PPP1R16B: variants seen among roughly 807,000 people sequenced by gnomAD.
PPP1R16B encodes the protein protein phosphatase 1 regulatory inhibitor subunit 16B.
A neutral mutation model predicts 61.7 loss-of-function variants in PPP1R16B; 14 were observed. The observed-to-expected ratio is 0.23, with a 90% CI of 0.15 to 0.35. The LOEUF is 0.35. Ranked by LOEUF, PPP1R16B falls within the 10% of genes least tolerant of loss-of-function variation. PPP1R16B has a pLI of 1.00. For missense variants in PPP1R16B, 547 were observed against 752.5 expected, an observed-to-expected ratio of 0.73 and a Z score of 3.19; for synonymous variants, 266 against 305.3, an observed-to-expected ratio of 0.87 and a Z score of 1.34.
intron 2 of PPP1R16B, among the ~76,000 whole-genome samples, chr20:38,887,200 G>T (rs1295427196): frequency 6.6e-6 from 1 of 152,236 alleles, no homozygotes; most frequent in South Asian, 2.1e-4. Flanking sequence ...GAGGCCACAA[G>T]AAGTGATGTG....
intron 2 of PPP1R16B, among the ~76,000 whole-genome samples, chr20:38,876,900 T>C (rs2085171696): frequency 1.3e-5 from 2 of 152,174 alleles, no homozygotes; most frequent in Admixed American, 6.5e-5. Flanking sequence ...AAAATAAAAA[T>C]CCCTGATAAA....
rs568425461 is a variant in PPP1R16B at position 38,920,289 on chromosome 20, G to A, written c.*1623G>A. 6.5e-5 allele frequency: 10 copies of A among 152,818 alleles called. 1 individual carries two copies. The highest frequency in any genetic ancestry group is 2.4e-4 in the African/African-American group (10 of 41,580). The allele number at this position is 152,818 out of a possible 1,614,324, so 9.5% of individuals were successfully genotyped here. A position where few individuals can be genotyped will look rare whatever the true frequency, so the allele number is the denominator to read the frequency against. On this transcript the variant is annotated 3_prime_UTR_variant, in exon 11 of 11. Coordinates refer to ENST00000299824, the MANE Select transcript of PPP1R16B (RefSeq NM_015568.4). The stretch of plus-strand genomic sequence containing the variant: ...TAAGCTGCAGGTTATCCCTTGCTCT[G>A]TGCGCCTTTTATTTGTCCTTAAACT...
chr20:38,825,912 A>T (rs1301586602), intron 1 of PPP1R16B, among the ~76,000 whole-genome samples: 1 of 152,216 alleles, frequency 6.6e-6, no homozygotes, highest in Non-Finnish European at 1.5e-5. Context: ...GGCTTTGCTA[A>T]TTGATCACAA....
chr20:38,848,836 G>T (rs1159737275), intron 2 of PPP1R16B, among the ~76,000 whole-genome samples: 1 of 152,160 alleles, frequency 6.6e-6, no homozygotes, highest in Non-Finnish European at 1.5e-5. Context: ...GGAGGGAGGA[G>T]ATCAGGAAAA....
At chr20:38,888,803 T>A (rs1209521852) in intron 2 of PPP1R16B, among the ~76,000 whole-genome samples, 1 of 149,766 alleles carries the variant, frequency 6.7e-6, no homozygotes, top group African/African-American at 2.5e-5. Flanking sequence ...GGGAGGGGGC[T>A]TATCCTAAGC....
At chr20:38,881,291 A>C (rs2085201787) in intron 2 of PPP1R16B, among the ~76,000 whole-genome samples, 1 of 152,204 alleles carries the variant, frequency 6.6e-6, no homozygotes, top group Non-Finnish European at 1.5e-5. Flanking sequence ...TGGTGGGTGG[A>C]AAGGTTTCAA....
intron 2 of PPP1R16B, among the ~76,000 whole-genome samples, chr20:38,862,257 A>G (rs2085056948): frequency 6.6e-6 from 1 of 152,230 alleles, no homozygotes; most frequent in Non-Finnish European, 1.5e-5. Flanking sequence ...TTCAGAAGAG[A>G]CAAAGGCAAT....
chr20:38,889,397 G>A (rs1373457448), intron 2 of PPP1R16B, among the ~76,000 whole-genome samples, 198 bp from the exon 3 acceptor site: 1 of 152,226 alleles, frequency 6.6e-6, no homozygotes, highest in Non-Finnish European at 1.5e-5. Context: ...GTTAGTTCTT[G>A]TTATTGTTAT....
intron 2 of PPP1R16B, among the ~76,000 whole-genome samples, chr20:38,872,029 C>T (rs1601278107): frequency 6.6e-6 from 1 of 152,168 alleles, no homozygotes; most frequent in Non-Finnish European, 1.5e-5. Flanking sequence ...TCACCCCTAG[C>T]ACGTCTCAAT....
chr20:38,820,069 CTGTT>C (rs1181245001), intron 1 of PPP1R16B, among the ~76,000 whole-genome samples: 2 of 152,178 alleles, frequency 1.3e-5, no homozygotes, highest in African/African-American at 2.4e-5. Context: ...TTGGTTAACA[CTGTT>C]TGCGAGAGTC....
At chr20:38,830,233 G>A (rs2084828554) in intron 1 of PPP1R16B, among the ~76,000 whole-genome samples, 1 of 152,240 alleles carries the variant, frequency 6.6e-6, no homozygotes, top group Admixed American at 6.5e-5. Flanking sequence ...GACTGTGTCT[G>A]CCTTTACCCT....
At chr20:38,870,974 C>G (rs1435074215) in intron 2 of PPP1R16B, among the ~76,000 whole-genome samples, 1 of 152,182 alleles carries the variant, frequency 6.6e-6, no homozygotes, top group African/African-American at 2.4e-5. Context: ...TGATTCACAC[C>G]TGGGCCCCAG....
chr20:38,900,734 G>C, intron 5 of PPP1R16B, 50 bp downstream of exon 5: 2 of 1,403,756 alleles, frequency 1.4e-6, no homozygotes, highest in Non-Finnish European at 9.6e-7. Context: ...GAGTTGCAGA[G>C]AGCGTCCCTT....
intron 2 of PPP1R16B, among the ~76,000 whole-genome samples, chr20:38,836,709 A>G (rs2084875302): frequency 6.6e-6 from 1 of 151,968 alleles, no homozygotes; most frequent in Non-Finnish European, 1.5e-5. Flanking sequence ...TTATTTATTT[A>G]TTTAGACATA....
At chr20:38,813,394 A>C (rs2145703473) in intron 1 of PPP1R16B, among the ~76,000 whole-genome samples, 1 of 152,346 alleles carries the variant, frequency 6.6e-6, no homozygotes, top group African/African-American at 2.4e-5. Context: ...CAGCCAATAT[A>C]GGGCCCTGAA....
At chr20:38,828,172 C>T (rs566153792) in intron 1 of PPP1R16B, among the ~76,000 whole-genome samples, 74 of 152,194 alleles carry the variant, frequency 4.9e-4, no homozygotes, top group Non-Finnish European at 7.9e-4. Context: ...AAAAATGTGT[C>T]AACCGACTGC....
At chr20:38,865,363 C>T (rs2085083314) in intron 2 of PPP1R16B, among the ~76,000 whole-genome samples, 1 of 151,296 alleles carries the variant, frequency 6.6e-6, no homozygotes, top group African/African-American at 2.4e-5. Flanking sequence ...GATCTCGGCT[C>T]ACTGCGAGCT....
At chr20:38,855,935 TATATATATAG>T (rs1174523189) in intron 2 of PPP1R16B, among the ~76,000 whole-genome samples, 17 of 43,960 alleles carry the variant, frequency 3.9e-4, no homozygotes, top group African/African-American at 5.2e-4. Context: ...TATATATATA[TATATATATAG>T]AGAGAGAGAG....
Position 38,860,583 on chromosome 20 carries a change from G to T in PPP1R16B, c.250+24408G>T, listed in dbSNP as rs78535627. Among the ~76,000 whole-genome samples, 326 of 152,320 alleles carry T rather than the reference G, an allele frequency of 2.1e-3. 4 individuals carry two copies. The highest frequency in any genetic ancestry group is 7.6e-3 in the African/African-American group (317 of 41,566). The stretch of plus-strand genomic sequence containing the variant: ...TTGCAGGGGAGGGATCTGCAGGCCA[G>T]ATCTGGAAGTGGCAAGTTCAGCCCG... On this transcript the variant is annotated intron_variant, in intron 2 of 10. Transcript: ENST00000299824.
Sources: allele counts gnomAD v4.1 joint callset (sites outside exome capture counted in the v4.1 genomes callset), GRCh38; gene constraint gnomAD v4.1.1; transcripts MANE v1.5; gene names NCBI Gene and HGNC (gene_info 2026-07-23, HGNC 2026-07-21).